Variants in CLN5 observed in about 807,000 individuals in gnomAD.
The protein encoded by CLN5 is CLN5 lysosomal BMP synthase.
CLN5 carries 34 observed loss-of-function variants against 36.7 expected under a neutral mutation model. The observed-to-expected ratio is 0.93, with a 90% CI of 0.71 to 1.23. CLN5 has a LOEUF of 1.23. Among genes scored for constraint, CLN5 ranks in the 50% most tolerant of loss-of-function variants. The pLI, the probability that CLN5 is intolerant of heterozygous loss-of-function variation, is 0.00. For missense variants in CLN5, 427 were observed against 439.4 expected (o/e 0.97, Z 0.25); for synonymous variants, 151 against 155.1 (o/e 0.97, Z 0.20).
intron 3 of CLN5, 103 bp from the exon 4 acceptor site, chr13:77,000,355 A>C: frequency 2.7e-5 from 29 of 1,064,238 alleles, no homozygotes; most frequent in Non-Finnish European, 3.2e-5. Flanking sequence ...ACCGCACTCT[A>C]GCCTCGGCAA....
In CLN5 at chr13:76,992,249, CGCCACTGGCCGGT is replaced by C. The variant is rs1057517134; in HGVS notation, c.155_167del (p.His52ProfsTer58). On this transcript the variant is annotated frameshift_variant, in exon 1 of 4. Coordinates refer to ENST00000377453, the MANE Select transcript of CLN5 (RefSeq NM_006493.4). LOFTEE classifies it high-confidence loss of function. ...CCGGGTCTCGGGCATCCCCTCCCGGCGCCACTGGCCGGTGCCCTACAAGTGAGTGCGGCGGCGC... is the reference window on the plus strand; with the variant it reads ...CCGGGTCTCGGGCATCCCCTCCCGGCGCCCTACAAGTGAGTGCGGCGGCGC... 6.3e-7 allele frequency: 1 copy of C among 1,581,104 alleles called. No individual in the cohort carries two copies. Among genetic ancestry groups the C allele is most frequent in the Non-Finnish European group, 8.5e-7 (1 of 1,170,020 alleles).
intron 3 of CLN5, chr13:76,997,372 C>G (rs2154034882): frequency 6.6e-6 from 1 of 152,354 alleles, no homozygotes; most frequent in Middle Eastern, 3.4e-3. Flanking sequence ...TCTCAAACTC[C>G]TGACCTCAGG....
chr13:76,995,257 T>C (rs1259682071), intron 2 of CLN5, 29 bp downstream of exon 2: 2 of 1,605,582 alleles, frequency 1.2e-6, no homozygotes, highest in South Asian at 1.1e-5. Context: ...CTTATAACTT[T>C]GGTTAATTCA....
Position 76,992,214 on chromosome 13 carries a change from C to T in CLN5, c.116C>T (p.Pro39Leu), listed in dbSNP as rs1285996011. 8 of 1,600,660 alleles carry T rather than the reference C, an allele frequency of 5.0e-6. No homozygotes were observed. Among genetic ancestry groups the T allele is most frequent in the African/African-American group, 1.3e-5 (1 of 74,670 alleles). ...GCGCTGCTTTGGCTCGCGGTGGTTC[C>T]GGGCTGGTCCCGGGTCTCGGGCATC... ...ALALLWLAVV[P>L]GWSRVSGIPS... The change falls in exon 1 of 4, where the codon CCG (proline) becomes CTG (leucine). Residue 39 changes from proline (P) to leucine (L), a missense_variant. Coordinates refer to ENST00000377453, the MANE Select transcript of CLN5 (RefSeq NM_006493.4).
rs1471956911 is a variant in CLN5, at chr13:77,002,224, AT to A, written c.*1257del. ...CACAGAAAGCTTAATCATAGATATA[AT>A]TAACCTGATCCAAATGAGTAAAGTG... On this transcript the variant is annotated 3_prime_UTR_variant, in exon 4 of 4. Transcript: ENST00000377453. 6.6e-6 allele frequency: 1 copy of A among 152,228 alleles called. No individual in the cohort carries two copies. The highest frequency in any genetic ancestry group is 1.5e-5 in the Non-Finnish European group (1 of 68,028). 9.4% of individuals were successfully genotyped at this position (152,228 alleles called of 1,614,324 possible). A position where few individuals can be genotyped will look rare whatever the true frequency, so the allele number is the denominator to read the frequency against.
In CLN5 at chr13:76,995,118, T is replaced by C; in HGVS notation, c.229T>C (p.Cys77Arg). 1 of 1,614,150 alleles carries C rather than the reference T, an allele frequency of 6.2e-7. No individual in the cohort carries two copies. Among genetic ancestry groups the C allele is most frequent in the South Asian group, 1.1e-5 (1 of 91,080 alleles). The change falls in exon 2 of 4, where the codon TGT (cysteine) becomes CGT (arginine). Residue 77 changes from cysteine (C) to arginine (R), a missense_variant. Transcript: ENST00000377453. Reference protein sequence around the residue: ...DPYCQAKYTFCPTGSPIPVME... With the variant: ...DPYCQAKYTFRPTGSPIPVME... The stretch of plus-strand genomic sequence containing the variant: ...TTATTGTCAAGCTAAGTATACTTTC[T>C]GTCCAACTGGCTCACCTATCCCAGT...
chr13:76,995,645 A>T, intron 2 of CLN5: 1 of 555,692 alleles, frequency 1.8e-6, no homozygotes. Flanking sequence ...CTCTAAGGAA[A>T]TTATCAGCTT....
rs1432657755 is a variant in CLN5 at position 77,004,802 on chromosome 13, A to AT, written c.*3839dup. Reference sequence around the variant, plus strand: ...ATTGACTTAATCTTCAATCATACCTATTTTTTCTGATATGGTTACAACAGC... The same window carrying AT: ...ATTGACTTAATCTTCAATCATACCTATTTTTTTCTGATATGGTTACAACAGC... On this transcript the variant is annotated 3_prime_UTR_variant, in exon 4 of 4. Coordinates refer to ENST00000377453, the MANE Select transcript of CLN5 (RefSeq NM_006493.4). The AT allele has an allele frequency of 6.6e-6, 1 of 152,128 alleles. No individual in the cohort carries two copies. Among genetic ancestry groups the AT allele is most frequent in the Non-Finnish European group, 1.5e-5 (1 of 68,022 alleles). 9.4% of individuals were successfully genotyped at this position (152,128 alleles called of 1,614,324 possible).
chr13:77,001,150 G>A lies in CLN5; in HGVS notation c.*181G>A, dbSNP rs1333086679. The A allele has an allele frequency of 1.6e-5, 9 of 553,032 alleles. No individual in the cohort carries two copies. Among genetic ancestry groups the A allele is most frequent in the Non-Finnish European group, 2.2e-5 (7 of 320,242 alleles). The allele number at this position is 553,032 out of a possible 1,614,324, so 34.3% of individuals were successfully genotyped here. On this transcript the variant is annotated 3_prime_UTR_variant, in exon 4 of 4. Transcript: ENST00000377453. The stretch of plus-strand genomic sequence containing the variant: ...TTCTCTTGTAAAGAAGCTGAAATTC[G>A]TACTATATTGGCCAAAGTGAGCGAG...
rs1021621652 is a variant in CLN5 at position 77,003,352 on chromosome 13, CTTAA to C, written c.*2388_*2391del. On this transcript the variant is annotated 3_prime_UTR_variant, in exon 4 of 4. Transcript: ENST00000377453. The stretch of plus-strand genomic sequence containing the variant: ...AAGATTTTTCATTGTTCCTAAGAAT[CTTAA>C]TTAAATGAAGACAGAAAGCATCATA... 1.9e-4 allele frequency: 29 copies of C among 152,136 alleles called. No individual in the cohort carries two copies. The highest frequency in any genetic ancestry group is 6.0e-4 in the African/African-American group (25 of 41,430). 9.4% of individuals were successfully genotyped at this position (152,136 alleles called of 1,614,324 possible).
intron 1 of CLN5, 51 bp downstream of exon 1, chr13:76,992,322 G>A: frequency 6.8e-7 from 1 of 1,474,022 alleles, no homozygotes; most frequent in Non-Finnish European, 9.1e-7. Context: ...CGTTGACGAT[G>A]GGGGATGGGG....
At chr13:76,999,905 A>C (rs1417318549) in intron 3 of CLN5, 1 of 152,162 alleles carries the variant, frequency 6.6e-6, no homozygotes, top group Non-Finnish European at 1.5e-5. Flanking sequence ...TTATACACCT[A>C]TTATATCTAA....
Position 76,992,152 on chromosome 13 carries a change from C to G in CLN5, c.54C>G (p.Gly18=). The part of the protein sequence containing the change: ...AQGAEMRRGA[G]AARGRASWCW... ...GCGCCGAGATGCGGCGGGGCGCGGG[C>G]GCGGCTCGGGGACGCGCTTCCTGGT... Residue 18 remains glycine, a synonymous_variant, in exon 1 of 4, where the codon GGC becomes GGG. Transcript: ENST00000377453. The G allele has an allele frequency of 1.9e-6, 3 of 1,606,640 alleles. No individual in the cohort carries two copies. The highest frequency in any genetic ancestry group is 2.5e-6 in the Non-Finnish European group (3 of 1,177,694).
At position 76,996,091 on chromosome 13, in the gene CLN5, GA is replaced by G; in HGVS notation, c.533del (p.Asn178MetfsTer4). 1 of 1,614,156 alleles carries G rather than the reference GA, an allele frequency of 6.2e-7. No homozygotes were observed. The highest frequency in any genetic ancestry group is 8.5e-7 in the Non-Finnish European group (1 of 1,180,012). ...FEGIDDVHWKENGTLVQVATI... is the reference protein window; with the variant it reads ...FEGIDDVHWKXNGTLVQVATI... The stretch of plus-strand genomic sequence containing the variant: ...GGGAATTGATGATGTTCACTGGAAG[GA>G]AAATGGGACATTAGTTCAAGTAGCA... On this transcript the variant is annotated frameshift_variant, in exon 3 of 4. Coordinates refer to ENST00000377453, the MANE Select transcript of CLN5 (RefSeq NM_006493.4). LOFTEE classifies it high-confidence loss of function.
Position 76,992,203 on chromosome 13 carries a change from C to G in CLN5, c.105C>G (p.Leu35=). The change falls in exon 1 of 4, where the codon CTC becomes CTG. Residue 35 remains leucine (L), a synonymous_variant. Coordinates refer to ENST00000377453, the MANE Select transcript of CLN5 (RefSeq NM_006493.4). The stretch of plus-strand genomic sequence containing the variant: ...GCTGGGCCCTGGCGCTGCTTTGGCT[C>G]GCGGTGGTTCCGGGCTGGTCCCGGG... ...SWCWALALLW[L]AVVPGWSRVS... is the part of the protein sequence containing the mutation. 1 of 1,603,104 alleles carries G rather than the reference C, an allele frequency of 6.2e-7. No individual in the cohort carries two copies. Among genetic ancestry groups the G allele is most frequent in the Non-Finnish European group, 8.5e-7 (1 of 1,177,762 alleles).
At chr13:76,995,478 A>G in intron 2 of CLN5, 1 of 525,750 alleles carries the variant, frequency 1.9e-6, no homozygotes, top group Non-Finnish European at 3.4e-6. Flanking sequence ...AGCTCCTGGA[A>G]GGTGAGAAGA....
At position 77,000,781 on chromosome 13, in the gene CLN5, C is replaced by A. The variant is rs1463058420; in HGVS notation, c.889C>A (p.Pro297Thr). Residue 297 changes from proline (P) to threonine (T), a missense_variant, in exon 4 of 4, where the codon CCA becomes ACA. Pro to Thr is a conservative substitution (Grantham distance 38). Coordinates refer to ENST00000377453, the MANE Select transcript of CLN5 (RefSeq NM_006493.4). The stretch of plus-strand genomic sequence containing the variant: ...AAAAAGATTTTATTACCCCTTCAAA[C>A]CACATTTGCCAACTAAAGAATTTCT... ...AIKRFYYPFKPHLPTKEFLLS... is the reference protein window; with the variant it reads ...AIKRFYYPFKTHLPTKEFLLS... 6 of 1,612,856 alleles carry A rather than the reference C, an allele frequency of 3.7e-6. No homozygotes were observed. Among genetic ancestry groups the A allele is most frequent in the Non-Finnish European group, 5.1e-6 (6 of 1,179,660 alleles).
Position 76,995,970 on chromosome 13 carries a change from T to G in CLN5, c.408T>G (p.Tyr136Ter). 1 of 1,614,240 alleles carries G rather than the reference T, an allele frequency of 6.2e-7. No individual in the cohort carries two copies. The highest frequency in any genetic ancestry group is 8.5e-7 in the Non-Finnish European group (1 of 1,180,048). ...GCAAGAACTACACAATGGAATGGTA[T>G]GAACTTTTCCAACTTGGCAACTGTA... is the stretch of plus-strand genomic sequence containing the variant. ...LTGKNYTMEW[Y>*]ELFQLGNCTF... Residue 136 changes from tyrosine (Y) to a stop codon, truncating the protein, a stop_gained, in exon 3 of 4, where the codon TAT (tyrosine) becomes TAG (stop). Transcript: ENST00000377453. LOFTEE classifies it high-confidence loss of function.
In CLN5 at chr13:77,000,695, A is replaced by C; in HGVS notation, c.803A>C (p.Tyr268Ser). 1 of 1,613,968 alleles carries C rather than the reference A, an allele frequency of 6.2e-7. No individual in the cohort carries two copies. The highest frequency in any genetic ancestry group is 8.5e-7 in the Non-Finnish European group (1 of 1,179,826). Reference sequence around the variant, plus strand: ...TTTCTTTACAGTGGAGAACCTACTTATCTGGGAAATGAAACATCTGTTTTT... The same window carrying C: ...TTTCTTTACAGTGGAGAACCTACTTCTCTGGGAAATGAAACATCTGTTTTT... ...RIFLYSGEPT[Y>S]LGNETSVFGP... Residue 268 changes from tyrosine to serine, a missense_variant, in exon 4 of 4, where the codon TAT becomes TCT. Coordinates refer to ENST00000377453, the MANE Select transcript of CLN5 (RefSeq NM_006493.4).
Sources: gnomAD v4.1 joint callset for allele counts on GRCh38, gnomAD v4.1.1 for gene constraint, MANE v1.5 for transcripts, NCBI Gene and HGNC (gene_info 2026-07-23, HGNC 2026-07-21) for gene names.